Variants in SLC16A4 observed in about 807,000 individuals in gnomAD.
SLC16A4 encodes the protein solute carrier family 16 member 4, also known as probable monocarboxylate transporter 5.
SLC16A4 carries 39 observed loss-of-function variants against 47.9 expected under a neutral mutation model. That is an observed-to-expected ratio of 0.81 (90% CI 0.63 to 1.06). SLC16A4 has a LOEUF of 1.06. SLC16A4 is among the 50% of genes least tolerant of loss of function. The probability of loss-of-function intolerance (pLI) is 0.00; values close to 1 mark genes in which losing one functional copy is unlikely to be tolerated. For missense variants in SLC16A4, 524 were observed against 573.8 expected, an observed-to-expected ratio of 0.91 and a Z score of 0.89; for synonymous variants, 189 against 199.9, an observed-to-expected ratio of 0.95 and a Z score of 0.46.
At chr1:110,366,119 C>T (rs1263278723) in intron 8 of SLC16A4, among the ~76,000 whole-genome samples, 1 of 144,374 alleles carries the variant, frequency 6.9e-6, no homozygotes, top group Non-Finnish European at 1.5e-5. Context: ...CACACACACA[C>T]ACACACACAC....
chr1:110,382,713 C>A (rs1662475847), intron 3 of SLC16A4, 121 bp downstream of exon 3: 2 of 992,378 alleles, frequency 2.0e-6, no homozygotes, highest in Non-Finnish European at 2.8e-6. Context: ...CTCAGCGTTA[C>A]ATATCAGTAA....
intron 8 of SLC16A4, among the ~76,000 whole-genome samples, chr1:110,365,076 C>T (rs1433419036): frequency 3.3e-5 from 5 of 152,024 alleles, no homozygotes; most frequent in Admixed American, 2.0e-4. Flanking sequence ...GTTGACCTCA[C>T]TTTGAGAAGT....
chr1:110,390,650 A>G (rs540025279), intron 1 of SLC16A4, among the ~76,000 whole-genome samples: 1 of 152,374 alleles, frequency 6.6e-6, no homozygotes, highest in Admixed American at 6.5e-5. Context: ...GTGTATATAA[A>G]GAATGATAGC....
chr1:110,375,441 T>C lies in SLC16A4; in HGVS notation c.1336+17A>G. 1 of 1,455,434 alleles carries C rather than the reference T, an allele frequency of 6.9e-7. No homozygotes were observed. Among genetic ancestry groups the C allele is most frequent in the Non-Finnish European group, 9.7e-7 (1 of 1,035,624 alleles). The allele number at this position is 1,455,434 out of a possible 1,614,324, so 90.2% of individuals were successfully genotyped here. ...TATTGCTATTGAAATTTGTTCAGAA[T>C]GTGGTGAAGGTGTTACCTGCTATAG... On this transcript the variant is annotated intron_variant, in intron 8 of 8. Coordinates refer to ENST00000369779, the MANE Select transcript of SLC16A4 (RefSeq NM_004696.3).
intron 2 of SLC16A4, among the ~76,000 whole-genome samples, chr1:110,387,770 G>A (rs1662808781): frequency 1.8e-5 from 1 of 54,924 alleles, no homozygotes; most frequent in Non-Finnish European, 4.0e-5. Flanking sequence ...CCCAGCCCCA[G>A]GAAGGGCTCT....
chr1:110,370,247 T>A (rs1454324277), intron 8 of SLC16A4: 1 of 152,174 alleles, frequency 6.6e-6, no homozygotes, highest in Non-Finnish European at 1.5e-5. Flanking sequence ...TTTTTTAGCC[T>A]TTTTTTCCCC....
chr1:110,380,637 C>CG (rs3835716), intron 5 of SLC16A4, among the ~76,000 whole-genome samples: 82 of 99,680 alleles, frequency 8.2e-4, no homozygotes, highest in African/African-American at 2.0e-3. Flanking sequence ...GGGGCGGGGG[C>CG]GGGGGGGGAA....
chr1:110,377,069 G>C lies in SLC16A4; in HGVS notation c.1123C>G (p.Leu375Val), dbSNP rs1662047477. 6.2e-7 allele frequency: 1 copy of C among 1,614,116 alleles called. No homozygotes were observed. The highest frequency in any genetic ancestry group is 1.3e-5 in the African/African-American group (1 of 75,038). Residue 375 changes from leucine (L) to valine (V), a missense_variant, in exon 7 of 9, where the codon CTC (leucine) becomes GTC (valine). Transcript: ENST00000369779. ...KYHYHKSYLI[L>V]CGITNLLAPL... ...GCAAGCAGGTTAGTGATGCCGCAGA[G>C]GATGAGGTAAGACTTGTGGTAATGA... is the stretch of plus-strand genomic sequence containing the variant.
At chr1:110,388,642 C>A (rs1390594335) in intron 2 of SLC16A4, among the ~76,000 whole-genome samples, 1 of 152,182 alleles carries the variant, frequency 6.6e-6, no homozygotes, top group Non-Finnish European at 1.5e-5. Context: ...CAGTACAGAA[C>A]TGCTGATTGT....
At position 110,389,235 on chromosome 1, in the gene SLC16A4, A is replaced by G; in HGVS notation, c.87+2T>C. On this transcript the variant is annotated splice_donor_variant, in intron 2 of 8. Coordinates refer to ENST00000369779, the MANE Select transcript of SLC16A4 (RefSeq NM_004696.3). LOFTEE classifies it high-confidence loss of function. ...GAAAGGGGGAAAAAAGTGAATTCTT[A>G]CCAGGAAAAAATGAATCACAATCAT... 1 of 1,612,128 alleles carries G rather than the reference A, an allele frequency of 6.2e-7. No homozygotes were observed. The highest frequency in any genetic ancestry group is 1.3e-5 in the African/African-American group (1 of 75,010).
chr1:110,380,983 T>C lies in SLC16A4; in HGVS notation c.525A>G (p.Thr175=). ...GTAAATAAACTTAGAATGACGTACC[T>C]GTCCAGTCATACAGATCTATCAGGA... ...TKFLIDLYDW[T]GALILFGAIA... The change falls in exon 5 of 9, where the codon ACA becomes ACG. Residue 175 remains threonine, a splice_region_variant and synonymous_variant. Coordinates refer to ENST00000369779, the MANE Select transcript of SLC16A4 (RefSeq NM_004696.3). The C allele has an allele frequency of 6.2e-7, 1 of 1,613,478 alleles. No individual in the cohort carries two copies. The highest frequency in any genetic ancestry group is 1.3e-5 in the African/African-American group (1 of 75,030).
At chr1:110,379,736 A>G (rs976178001) in intron 5 of SLC16A4, 2 of 166,054 alleles carry the variant, frequency 1.2e-5, no homozygotes, top group Non-Finnish European at 1.3e-5. Context: ...ATAAGATGAA[A>G]GAAATCATTT....
intron 8 of SLC16A4, among the ~76,000 whole-genome samples, chr1:110,364,490 A>G: frequency 6.8e-6 from 1 of 146,254 alleles, no homozygotes; most frequent in African/African-American, 2.5e-5. Context: ...CCCCCCTGAA[A>G]TCTAAATGCT....
At chr1:110,364,507 T>A (rs1661264717) in intron 8 of SLC16A4, among the ~76,000 whole-genome samples, 1 of 147,832 alleles carries the variant, frequency 6.8e-6, no homozygotes, top group Admixed American at 6.7e-5. Context: ...TGCTTTTTTT[T>A]TTTTTTTTTT....
Position 110,363,852 on chromosome 1 carries a change from A to G in SLC16A4, c.1378T>C (p.Tyr460His). The change falls in exon 9 of 9, where the codon TAC becomes CAC. Residue 460 changes from tyrosine to histidine, a missense_variant. Physicochemically the swap from Tyr to His is moderately conservative, Grantham distance 83. Transcript: ENST00000369779. Reference protein sequence around the residue: ...DYTQTYNGSFYFSGICYLLSS... With the variant: ...DYTQTYNGSFHFSGICYLLSS... ...AGGAGATAGCATATGCCAGAGAAGT[A>G]GAAAGAGCCATTGTATGTCTGGGTA... 1 of 1,613,464 alleles carries G rather than the reference A, an allele frequency of 6.2e-7. No individual in the cohort carries two copies. Among genetic ancestry groups the G allele is most frequent in the Non-Finnish European group, 8.5e-7 (1 of 1,179,738 alleles).
At chr1:110,370,637 G>C (rs1419619837) in intron 8 of SLC16A4, 1 of 152,122 alleles carries the variant, frequency 6.6e-6, no homozygotes, top group Non-Finnish European at 1.5e-5. Context: ...TCACTCCATG[G>C]TATTTCTGAT....
At chr1:110,381,619 C>A in intron 4 of SLC16A4, 33 bp downstream of exon 4, 2 of 1,593,374 alleles carry the variant, frequency 1.3e-6, no homozygotes, top group South Asian at 1.1e-5. Context: ...CCACTCCTGG[C>A]CTTCTATGGT....
intron 8 of SLC16A4, among the ~76,000 whole-genome samples, chr1:110,365,511 CTGTT>C: frequency 6.6e-6 from 1 of 152,080 alleles, no homozygotes; most frequent in East Asian, 1.9e-4. Flanking sequence ...TTACTGACTC[CTGTT>C]TGATTAGTGA....
In SLC16A4 at chr1:110,379,204, T is replaced by C; in HGVS notation, c.679A>G (p.Thr227Ala). ...GACTCTTCTGTCTCATGGCAGTGTGTTTCTGTTGCATGTGCCTCTGGACCA... is the reference window on the plus strand; with the variant it reads ...GACTCTTCTGTCTCATGGCAGTGTGCTTCTGTTGCATGTGCCTCTGGACCA... ...AHGPEAHATE[T>A]HCHETEESTI... The change falls in exon 6 of 9, where the codon ACA becomes GCA. Residue 227 changes from threonine to alanine, a missense_variant. By Grantham distance (58) the Thr-to-Ala change is moderately conservative. Coordinates refer to ENST00000369779, the MANE Select transcript of SLC16A4 (RefSeq NM_004696.3). 1 of 1,614,222 alleles carries C rather than the reference T, an allele frequency of 6.2e-7. No homozygotes were observed.
Sources: gnomAD v4.1 joint callset for allele counts (sites outside exome capture counted in the v4.1 genomes callset) on GRCh38, gnomAD v4.1.1 for gene constraint, MANE v1.5 for transcripts, NCBI Gene and HGNC (gene_info 2026-07-23, HGNC 2026-07-21) for gene names.